Variants in PCNX1 observed in about 807,000 individuals in gnomAD.
PCNX1 encodes pecanex 1, also known as pecanex-like protein 1.
In PCNX1, 78 loss-of-function variants were observed where a neutral mutation model predicts 242.2. That is an observed-to-expected ratio of 0.32 (90% CI 0.27 to 0.39). PCNX1 has a LOEUF of 0.39. Among genes scored for constraint, PCNX1 ranks in the 10% least tolerant of loss-of-function variants. PCNX1 has a pLI of 1.00. For synonymous variants in PCNX1, 1,024 were observed against 1,032.9 expected, an observed-to-expected ratio of 0.99 and a Z score of 0.17; for missense variants, 2,581 against 2,856.5, an observed-to-expected ratio of 0.90 and a Z score of 2.20.
chr14:71,094,443 AACTTG>A (rs758233884), intron 30 of PCNX1, among the ~76,000 whole-genome samples: 12 of 152,222 alleles, frequency 7.9e-5, no homozygotes, highest in East Asian at 1.9e-4. Flanking sequence ...TCATATTTCA[AACTTG>A]ACTTTTAAGA....
Position 70,910,186 on chromosome 14 carries a change from CTCCTCCTCCTCCTCCTCCTCG to C in PCNX1, c.153+2204_153+2224del, listed in dbSNP as rs1566808848. Among the ~76,000 whole-genome samples, 41 of 35,336 alleles carry C rather than the reference CTCCTCCTCCTCCTCCTCCTCG, an allele frequency of 1.2e-3. 1 individual carries two copies. The highest frequency in any genetic ancestry group is 1.6e-3 in the South Asian group (1 of 638). 23.2% of individuals were successfully genotyped at this position (35,336 alleles called of 152,430 possible). On this transcript the variant is annotated intron_variant, in intron 1 of 35. Coordinates refer to ENST00000304743, the MANE Select transcript of PCNX1 (RefSeq NM_014982.3). Reference sequence around the variant, plus strand: ...CCTCCTCCTCCTCCTCCTCCTCCTCCTCCTCCTCCTCCTCCTCCTCGTCCTCCTCCTCCTCCTCCTCCTCTC... The same window carrying C: ...CCTCCTCCTCCTCCTCCTCCTCCTCCTCCTCCTCCTCCTCCTCCTCCTCTC...
At chr14:70,983,006 A>T (rs1396798016) in intron 6 of PCNX1, among the ~76,000 whole-genome samples, 1 of 152,244 alleles carries the variant, frequency 6.6e-6, no homozygotes, top group Non-Finnish European at 1.5e-5. Context: ...TTGTAGGTTC[A>T]TTATATAAAC....
In PCNX1 at chr14:70,940,911, C is replaced by T. The variant is rs572078451; in HGVS notation, c.154-6004C>T. ...ACTGATACCCTTTCTTCCACTTGAT[C>T]GAATCGGCTACTGAAGGTTGTGCAT... On this transcript the variant is annotated intron_variant, in intron 1 of 35. Coordinates refer to ENST00000304743, the MANE Select transcript of PCNX1 (RefSeq NM_014982.3). Among the ~76,000 whole-genome samples, 4 of 152,246 alleles carry T rather than the reference C, an allele frequency of 2.6e-5. No individual in the cohort carries two copies. In the East Asian group the frequency reaches 5.8e-4, roughly 22 times the overall value.
At chr14:71,099,828 G>T (rs1048374714) in intron 30 of PCNX1, among the ~76,000 whole-genome samples, 19 of 152,128 alleles carry the variant, frequency 1.2e-4, no homozygotes, top group Admixed American at 3.9e-4. Context: ...ATTAGGTAAT[G>T]ACCTTTTGTT....
At chr14:70,943,662 G>C (rs563759203) in intron 1 of PCNX1, among the ~76,000 whole-genome samples, 1 of 152,184 alleles carries the variant, frequency 6.6e-6, no homozygotes, top group Non-Finnish European at 1.5e-5. Flanking sequence ...CATAAGTAAC[G>C]AGGAGCCAAA....
intron 2 of PCNX1, among the ~76,000 whole-genome samples, chr14:70,955,514 C>G (rs1413682080): frequency 6.6e-6 from 1 of 152,212 alleles, no homozygotes; most frequent in African/African-American, 2.4e-5. Context: ...GAAGACTTCT[C>G]TGTAATTCAG....
intron 3 of PCNX1, among the ~76,000 whole-genome samples, chr14:70,964,873 A>G (rs972421742): frequency 1.3e-5 from 2 of 152,202 alleles, no homozygotes; most frequent in Non-Finnish European, 2.9e-5. Flanking sequence ...TTCGTTTTAT[A>G]CTGTTTATGA....
At chr14:70,958,590 C>T (rs1201907167) in intron 2 of PCNX1, among the ~76,000 whole-genome samples, 1 of 152,124 alleles carries the variant, frequency 6.6e-6, no homozygotes, top group Non-Finnish European at 1.5e-5. Context: ...ATTATTTTGG[C>T]TTCTTAGAAC....
chr14:70,999,835 T>C (rs1417730754), intron 8 of PCNX1, among the ~76,000 whole-genome samples: 1 of 152,208 alleles, frequency 6.6e-6, no homozygotes, highest in African/African-American at 2.4e-5. Context: ...TAGTGACTTT[T>C]ATTAGAGTTA....
intron 1 of PCNX1, among the ~76,000 whole-genome samples, chr14:70,918,839 T>C (rs2056253573): frequency 6.6e-6 from 1 of 151,980 alleles, no homozygotes; most frequent in Non-Finnish European, 1.5e-5. Context: ...GTTACTGTTA[T>C]CAATTTCTTA....
chr14:71,068,917 C>CT (rs1177632590), intron 26 of PCNX1, among the ~76,000 whole-genome samples: 1 of 151,896 alleles, frequency 6.6e-6, no homozygotes, highest in Non-Finnish European at 1.5e-5. Flanking sequence ...ACTAGCAGTC[C>CT]TTTTTTATAA....
rs188505071 is a variant in PCNX1, at chr14:70,982,737, T to C, written c.2311+4089T>C. Among the ~76,000 whole-genome samples the C allele has an allele frequency of 5.1e-4, 78 of 152,332 alleles. 1 individual carries two copies. The East Asian group carries it at 0.011, about 21-fold the overall frequency. On this transcript the variant is annotated intron_variant, in intron 6 of 35. Transcript: ENST00000304743. ...ATATAGAATTCCCAAAACCAGCCCA[T>C]GCCAGATTTTTTCAAGTAGGAACAA...
chr14:70,931,753 T>C (rs1405951598), intron 1 of PCNX1, among the ~76,000 whole-genome samples: 3 of 152,234 alleles, frequency 2.0e-5, no homozygotes, highest in Non-Finnish European at 1.5e-5. Flanking sequence ...CATAGCTCAC[T>C]AGAAGCACCG....
At chr14:71,041,920 T>C (rs2060719335) in intron 19 of PCNX1, among the ~76,000 whole-genome samples, 1 of 152,174 alleles carries the variant, frequency 6.6e-6, no homozygotes. Flanking sequence ...TTATTTTCAG[T>C]TTCTTCATTG....
intron 2 of PCNX1, among the ~76,000 whole-genome samples, chr14:70,959,795 G>A (rs970348385): frequency 6.8e-6 from 1 of 147,330 alleles, no homozygotes; most frequent in Non-Finnish European, 1.5e-5. Context: ...GATCCCTGAG[G>A]AATCGCCACA....
At chr14:70,957,556 T>G (rs1224097976) in intron 2 of PCNX1, among the ~76,000 whole-genome samples, 1 of 152,208 alleles carries the variant, frequency 6.6e-6, no homozygotes, top group Non-Finnish European at 1.5e-5. Flanking sequence ...TTATATAGAA[T>G]GTCCAGGACA....
In PCNX1 at chr14:71,109,531, G is replaced by A. The variant is rs755555770; in HGVS notation, c.6824G>A (p.Arg2275Gln). 53 of 1,613,908 alleles carry A rather than the reference G, an allele frequency of 3.3e-5. No homozygotes were observed. The highest frequency in any genetic ancestry group is 1.2e-4 in the South Asian group (11 of 91,082). ...CTACAGTGGCCTGATGAAGGAATCC[G>A]GTTAAAAGCTGGGAGAAATAGCTGG... is the stretch of plus-strand genomic sequence containing the variant. ...KELQWPDEGI[R>Q]LKAGRNSWKD... is the part of the protein sequence containing the mutation. Residue 2275 changes from arginine to glutamine, a missense_variant, in exon 35 of 36, where the codon CGG becomes CAG. Around this residue, in one of 9 missense-constraint regions of PCNX1, gnomAD observed 432 missense variants for 433.6 expected, o/e 1.00. Transcript: ENST00000304743.
rs2062516793 is a variant in PCNX1, at chr14:71,103,413, C to T, written c.5839C>T (p.Arg1947Ter). The T allele has an allele frequency of 1.2e-6, 2 of 1,614,080 alleles. No homozygotes were observed. The highest frequency in any genetic ancestry group is 1.7e-6 in the Non-Finnish European group (2 of 1,179,994). ...TTTTCAGGTGAATAAGGAATGTGTC[C>T]GAGGTCTTTGGGCAGGGCAACAGCA... ...RVIKVNKECV[R>*]GLWAGQQQEL... The change falls in exon 32 of 36, where the codon CGA (arginine) becomes TGA (stop). Residue 1947 changes from arginine to a stop codon, truncating the protein, a stop_gained. Coordinates refer to ENST00000304743, the MANE Select transcript of PCNX1 (RefSeq NM_014982.3). LOFTEE classifies it high-confidence loss of function.
At chr14:70,994,468 G>A (rs941139002) in intron 7 of PCNX1, among the ~76,000 whole-genome samples, 28 of 133,042 alleles carry the variant, frequency 2.1e-4, no homozygotes, top group Non-Finnish European at 4.2e-4. Context: ...TTTATTTCAT[G>A]GTCATTCTGC....
Sources: gnomAD v4.1 joint callset for allele counts (sites outside exome capture counted in the v4.1 genomes callset) on GRCh38, gnomAD v4.1.1 for gene constraint, gnomAD v4.1.1 regional missense constraint, MANE v1.5 for transcripts, NCBI Gene and HGNC (gene_info 2026-07-23, HGNC 2026-07-21) for gene names.